TUB: variants seen among roughly 807,000 people sequenced by gnomAD.
The protein encoded by TUB is tubby protein homolog.
TUB carries 33 observed loss-of-function variants against 59.7 expected under a neutral mutation model. The ratio of observed to expected loss-of-function variants is 0.55; its 90% CI spans 0.42 to 0.74. TUB has a LOEUF of 0.74. Among genes scored for constraint, TUB ranks in the 30% least tolerant of loss-of-function variants. The pLI, the probability that TUB is intolerant of heterozygous loss-of-function variation, is 0.00. For synonymous variants in TUB, 293 were observed against 256.4 expected, an observed-to-expected ratio of 1.14 and a Z score of -1.36; for missense variants, 659 against 672.0, an observed-to-expected ratio of 0.98 and a Z score of 0.21.
chr11:8,047,040 T>C (rs966575254), intron 2 of TUB, among the ~76,000 whole-genome samples: 1 of 152,242 alleles, frequency 6.6e-6, no homozygotes, highest in African/African-American at 2.4e-5. Context: ...AAGCTTGCTC[T>C]AAAGCTTTAG....
rs55648406 is a variant in TUB, at chr11:8,039,019, G to A, written c.146G>A (p.Arg49Gln). 4.4e-3 allele frequency: 7,072 copies of A among 1,612,818 alleles called. 23 individuals are homozygous for A. The highest frequency in any genetic ancestry group is 0.014 in the African/African-American group (1,053 of 74,944). Residue 49 changes from arginine to glutamine, a missense_variant, in exon 1 of 13, where the codon CGA (arginine) becomes CAA (glutamine). By Grantham distance (43) the Arg-to-Gln change is conservative. Transcript: ENST00000305253. The stretch of plus-strand genomic sequence containing the variant: ...CCTGGGCCCCTGAAACGGGGCCACC[G>A]AAGAGATCGGTAAGCTTTCAACATC...
chr11:8,044,067 C>T (rs1412992652), intron 2 of TUB, among the ~76,000 whole-genome samples: 1 of 151,118 alleles, frequency 6.6e-6, no homozygotes, highest in Admixed American at 6.6e-5. Context: ...GTATAGTTTT[C>T]TTCACGTTTC....
At position 8,101,840 on chromosome 11, in the gene TUB, G is replaced by GTT; in HGVS notation, c.*221_*222insTT. 4.2e-6 allele frequency: 2 copies of GTT among 476,116 alleles called. No homozygotes were observed. Among genetic ancestry groups the GTT allele is most frequent in the Non-Finnish European group, 6.4e-6 (2 of 313,498 alleles). 29.5% of individuals were successfully genotyped at this position (476,116 alleles called of 1,614,324 possible). ...CGGGTGGGTGGGTGTGAAGGGATGA[G>GTT]AATAATTCTTTCCATGCCACGAGAT... On this transcript the variant is annotated 3_prime_UTR_variant, in exon 12 of 12. Coordinates refer to ENST00000299506, the MANE Select transcript of TUB (RefSeq NM_177972.3).
upstream of TUB, among the ~76,000 whole-genome samples, chr11:8,037,973 G>A (rs892956876): frequency 2.0e-5 from 3 of 152,194 alleles, no homozygotes; most frequent in Non-Finnish European, 4.4e-5. Context: ...TAGGGAAGGT[G>A]AGGTGCATAG....
chr11:8,055,414 T>C (rs987183953), intron 2 of TUB, among the ~76,000 whole-genome samples: 2 of 152,218 alleles, frequency 1.3e-5, no homozygotes, highest in Non-Finnish European at 2.9e-5. Flanking sequence ...CGGTCTGGCC[T>C]GAGGCTGCTC....
At chr11:8,100,650 G>A (rs1485639986) in intron 10 of TUB, 49 bp downstream of exon 10, 2 of 1,584,618 alleles carry the variant, frequency 1.3e-6, no homozygotes, top group Non-Finnish European at 1.7e-6. Context: ...CCTAGTCTCT[G>A]CATGAGCTTC....
At chr11:8,039,813 A>AGT in intron 2 of TUB, 1 of 713,688 alleles carries the variant, frequency 1.4e-6, no homozygotes, top group Non-Finnish European at 2.1e-6. Flanking sequence ...TGCGCCTGGG[A>AGT]GTGTGTGTGT....
intron 3 of TUB, among the ~76,000 whole-genome samples, chr11:8,090,913 T>C (rs184272310): frequency 0.04 from 6,047 of 151,128 alleles, 139 homozygotes; most frequent in Middle Eastern, 0.051. Context: ...GACTGAGGGG[T>C]TGGGGGTCTC....
At chr11:8,083,996 G>T (rs1943620018) in intron 1 of TUB, among the ~76,000 whole-genome samples, 1 of 152,218 alleles carries the variant, frequency 6.6e-6, no homozygotes, top group Admixed American at 6.5e-5. Context: ...TGATCACAGA[G>T]AAAACTGGGG....
At chr11:8,043,750 G>T (rs1942788417) in intron 2 of TUB, among the ~76,000 whole-genome samples, 1 of 152,108 alleles carries the variant, frequency 6.6e-6, no homozygotes, top group African/African-American at 2.4e-5. Context: ...TTTGTGTAAT[G>T]ATCTTGTATC....
chr11:8,084,305 T>C (rs376266554), intron 1 of TUB, among the ~76,000 whole-genome samples: 35 of 152,336 alleles, frequency 2.3e-4, no homozygotes, highest in South Asian at 8.3e-4. Flanking sequence ...TGATCATGGA[T>C]TAATCTCACA....
At chr11:8,038,596 G>T (rs895409022), upstream of TUB, 2 of 1,153,244 alleles carry the variant, frequency 1.7e-6, no homozygotes, top group Non-Finnish European at 2.1e-6. Flanking sequence ...ATGGAAACCA[G>T]CAATTGGGTG....
intron 1 of TUB, chr11:8,039,430 A>C (rs1589926366): frequency 2.3e-6 from 1 of 441,282 alleles, no homozygotes; most frequent in Non-Finnish European, 3.9e-6. Flanking sequence ...CCTCATCTGG[A>C]CTGCCTGCCT....
intron 1 of TUB, among the ~76,000 whole-genome samples, chr11:8,085,819 A>G (rs963783314): frequency 1.3e-5 from 2 of 152,238 alleles, no homozygotes; most frequent in East Asian, 3.9e-4. Flanking sequence ...AGGCTAGAGG[A>G]TGTTGGCTGT....
rs1943557832 is a variant in TUB, at chr11:8,081,347, C to T, written c.-164C>T. 1 of 985,576 alleles carries T rather than the reference C, an allele frequency of 1.0e-6. No homozygotes were observed. Among genetic ancestry groups the T allele is most frequent in the Non-Finnish European group, 1.2e-6 (1 of 830,348 alleles). 61.1% of individuals were successfully genotyped at this position (985,576 alleles called of 1,614,324 possible). ...CCGCGCAGGCAGCCGCTCGCAGAGC[C>T]AGCAGCCGGGGCCCTGGCGTGCAGC... On this transcript the variant is annotated 5_prime_UTR_variant, in exon 1 of 12. Transcript: ENST00000299506.
intron 2 of TUB, among the ~76,000 whole-genome samples, chr11:8,052,568 C>G (rs372088911): frequency 2.1e-5 from 3 of 145,004 alleles, no homozygotes; most frequent in African/African-American, 5.1e-5. Context: ...CTCCTGGGTT[C>G]ATGCCATTCT....
rs139727339 is a variant in TUB at position 8,082,717 on chromosome 11, A to G, written c.38+1169A>G. 3.6e-4 allele frequency among the ~76,000 whole-genome samples: 55 copies of G among 152,380 alleles called. No individual in the cohort carries two copies. In the East Asian group the frequency reaches 0.01, roughly 28 times the overall value. On this transcript the variant is annotated intron_variant, in intron 1 of 11. Coordinates refer to ENST00000299506, the MANE Select transcript of TUB (RefSeq NM_177972.3). ...GGCTCTTCTCTGAGTCTGTCCAGAC[A>G]GCGTCCCAAATGGAAACCAGCTGAA...
At chr11:8,035,578 C>G (rs1942634225), upstream of TUB, 1 of 152,266 alleles carries the variant, frequency 6.6e-6, no homozygotes, top group Non-Finnish European at 1.5e-5. Flanking sequence ...TTCCAGGGTG[C>G]CCATCCTTCA....
At chr11:8,020,234 T>G (rs1226375515) in intron 1 of TUB, among the ~76,000 whole-genome samples, 5 of 152,230 alleles carry the variant, frequency 3.3e-5, no homozygotes, top group Non-Finnish European at 7.3e-5. Context: ...ATCTGCAGAA[T>G]TCTGGAGTTA....
Sources: gnomAD v4.1 joint callset for allele counts (sites outside exome capture counted in the v4.1 genomes callset) on GRCh38, gnomAD v4.1.1 for gene constraint, MANE v1.5 for transcripts, NCBI Gene and HGNC (gene_info 2026-07-23, HGNC 2026-07-21) for gene names.